The following RNF6 variants were observed in gnomAD, a reference collection of about 807,000 sequenced individuals.
The protein encoded by RNF6 is E3 ubiquitin-protein ligase RNF6.
RNF6 carries 21 observed loss-of-function variants against 50.1 expected under a neutral mutation model. The ratio of observed to expected loss-of-function variants is 0.42; its 90% CI spans 0.30 to 0.60. RNF6 has a LOEUF of 0.60. Ranked by LOEUF, RNF6 falls within the 20% of genes least tolerant of loss-of-function variation. The pLI, the probability that RNF6 is intolerant of heterozygous loss-of-function variation, is 0.20. For missense variants in RNF6, 698 were observed against 838.2 expected, an observed-to-expected ratio of 0.83 and a Z score of 2.07; for synonymous variants, 255 against 291.8, an observed-to-expected ratio of 0.87 and a Z score of 1.29.
intron 5 of RNF6, among the ~76,000 whole-genome samples, chr13:26,207,718 T>C (rs1018294077): frequency 6.6e-6 from 1 of 152,170 alleles, no homozygotes; most frequent in Non-Finnish European, 1.5e-5. Flanking sequence ...CTAAACTGAG[T>C]TCTCAACCTA....
intron 5 of RNF6, among the ~76,000 whole-genome samples, chr13:26,170,916 A>G (rs1331041525): frequency 6.6e-6 from 1 of 152,162 alleles, no homozygotes; most frequent in Non-Finnish European, 1.5e-5. Flanking sequence ...AATAACTCAT[A>G]ACAAATCAAA....
chr13:26,189,375 A>C (rs116699772), intron 5 of RNF6, among the ~76,000 whole-genome samples: 3,932 of 152,258 alleles, frequency 0.026, 195 homozygotes, highest in African/African-American at 0.089. Flanking sequence ...AAAATATGCC[A>C]CCTTGCCTCA....
At chr13:26,144,264 G>A (rs1871116267) in intron 5 of RNF6, among the ~76,000 whole-genome samples, 1 of 152,006 alleles carries the variant, frequency 6.6e-6, no homozygotes, top group African/African-American at 2.4e-5. Context: ...AATAAGGGTG[G>A]CTGGGAAAAA....
chr13:26,201,839 G>A (rs772622729), intron 5 of RNF6, among the ~76,000 whole-genome samples: 9 of 152,094 alleles, frequency 5.9e-5, no homozygotes, highest in East Asian at 3.9e-4. Context: ...ATGCCATTAC[G>A]TTACAACCCA....
At chr13:26,138,674 G>A (rs545482491) in intron 5 of RNF6, among the ~76,000 whole-genome samples, 2 of 152,274 alleles carry the variant, frequency 1.3e-5, no homozygotes, top group South Asian at 4.1e-4. Context: ...TAATTCAAAT[G>A]AGATTGTTAT....
Position 26,164,763 on chromosome 13 carries a change from G to A in RNF6, n.769-32312C>T, listed in dbSNP as rs116907566. Among the ~76,000 whole-genome samples the A allele has an allele frequency of 6.2e-3, 935 of 151,916 alleles. 10 individuals are homozygous for A. The highest frequency in any genetic ancestry group is 0.01 in the Non-Finnish European group (688 of 67,970). ...CATGGATGAGATCTTGCTTTCCCAC[G>A]TATTACTGTTTATTTAGTTCATGTC... On this transcript the variant is annotated intron_variant and non_coding_transcript_variant, in intron 5 of 5. Transcript: ENST00000468480.
intron 5 of RNF6, among the ~76,000 whole-genome samples, chr13:26,194,650 A>G (rs950426783): frequency 6.6e-6 from 1 of 152,094 alleles, no homozygotes; most frequent in African/African-American, 2.4e-5. Context: ...GGATATATAT[A>G]TATGAGTTTA....
chr13:26,191,893 G>T (rs77631085), intron 5 of RNF6, among the ~76,000 whole-genome samples: 1 of 152,224 alleles, frequency 6.6e-6, no homozygotes, highest in Admixed American at 6.5e-5. Context: ...TTGCTATAAA[G>T]ATGACATTTG....
intron 5 of RNF6, among the ~76,000 whole-genome samples, chr13:26,183,874 T>C (rs4770946): frequency 0.45 from 59,992 of 133,920 alleles, 13,850 homozygotes; most frequent in Non-Finnish European, 0.55. Context: ...TTTATATATA[T>C]AAAATATAGG....
intron 5 of RNF6, among the ~76,000 whole-genome samples, chr13:26,182,986 C>T (rs900150845): frequency 1.3e-5 from 2 of 152,026 alleles, no homozygotes; most frequent in Non-Finnish European, 2.9e-5. Context: ...AGATTTGTAC[C>T]CTTTGGATAC....
Position 26,163,038 on chromosome 13 carries a change from C to T in RNF6, n.769-30587G>A, listed in dbSNP as rs554813685. Among the ~76,000 whole-genome samples, 52 of 152,152 alleles carry T rather than the reference C, an allele frequency of 3.4e-4. 1 individual carries two copies. Among genetic ancestry groups the T allele is most frequent in the African/African-American group, 1.2e-3 (50 of 41,526 alleles). ...ACAATTACCAACTTGTGGCCGGGCGCGGTGGCTCATGCCTGTAATCCCAGC... is the reference window on the plus strand; with the variant it reads ...ACAATTACCAACTTGTGGCCGGGCGTGGTGGCTCATGCCTGTAATCCCAGC... On this transcript the variant is annotated intron_variant and non_coding_transcript_variant, in intron 5 of 5. Coordinates refer to the RNF6 transcript ENST00000468480.
downstream of RNF6, among the ~76,000 whole-genome samples, chr13:26,208,214 A>G (rs577919956): frequency 6.6e-6 from 1 of 152,208 alleles, no homozygotes; most frequent in Non-Finnish European, 1.5e-5. Flanking sequence ...CTATTCCCTG[A>G]GAAGGGTGGA....
At chr13:26,164,612 C>T (rs1872360179) in intron 5 of RNF6, among the ~76,000 whole-genome samples, 1 of 152,032 alleles carries the variant, frequency 6.6e-6, no homozygotes, top group African/African-American at 2.4e-5. Flanking sequence ...ACATGTTATA[C>T]TATCATGTTC....
rs759910928 is a variant in RNF6 at position 26,218,644 on chromosome 13, A to G, written c.194-38T>C. On this transcript the variant is annotated intron_variant, in intron 3 of 4. Coordinates refer to ENST00000381588, the MANE Select transcript of RNF6 (RefSeq NM_005977.4). Reference sequence around the variant, plus strand: ...AAAACTGCTCATTTAAGAATTCTGAATTAAGTTTTATGAGACCTCATGAAG... The same window carrying G: ...AAAACTGCTCATTTAAGAATTCTGAGTTAAGTTTTATGAGACCTCATGAAG... 5 of 1,534,172 alleles carry G rather than the reference A, an allele frequency of 3.3e-6. No homozygotes were observed. In the South Asian group the frequency reaches 4.5e-5, roughly 14 times the overall value.
chr13:26,145,593 C>T (rs1871192104), intron 5 of RNF6, among the ~76,000 whole-genome samples: 1 of 152,174 alleles, frequency 6.6e-6, no homozygotes, highest in African/African-American at 2.4e-5. Context: ...TCCCCTTCAC[C>T]TTCCACCATG....
intron 5 of RNF6, among the ~76,000 whole-genome samples, chr13:26,190,306 C>T (rs908202972): frequency 1.2e-4 from 19 of 152,338 alleles, no homozygotes; most frequent in South Asian, 6.2e-4. Flanking sequence ...AATTTAATCA[C>T]ATCTACAAGA....
intron 5 of RNF6, among the ~76,000 whole-genome samples, chr13:26,187,769 G>A (rs1161614975): frequency 6.6e-6 from 1 of 152,164 alleles, no homozygotes. Context: ...TGTTGCCCAG[G>A]ATGGAGTGCA....
chr13:26,179,106 T>A (rs1441184389), intron 5 of RNF6, among the ~76,000 whole-genome samples: 2 of 152,216 alleles, frequency 1.3e-5, no homozygotes, highest in Non-Finnish European at 2.9e-5. Context: ...CTTGCCAGTT[T>A]CTGCTAAAGT....
At chr13:26,151,668 A>T (rs1241384665) in intron 5 of RNF6, among the ~76,000 whole-genome samples, 1 of 144,754 alleles carries the variant, frequency 6.9e-6, no homozygotes, top group Non-Finnish European at 1.5e-5. Context: ...ACCCAAGGGA[A>T]TAATGTGTCC....
Sources: gnomAD v4.1 joint callset for allele counts (sites outside exome capture counted in the v4.1 genomes callset) on GRCh38, gnomAD v4.1.1 for gene constraint, MANE v1.5 for transcripts, NCBI Gene and HGNC (gene_info 2026-07-23, HGNC 2026-07-21) for gene names.